The following SLCO5A1 variants were observed in gnomAD, a reference collection of about 807,000 sequenced individuals.
The protein encoded by SLCO5A1 is organic anion transporter polypeptide-related protein 4.
Under a neutral mutation model 65.1 loss-of-function variants are expected in SLCO5A1, and 39 were observed. The ratio of observed to expected loss-of-function variants is 0.60; its 90% CI spans 0.46 to 0.78. The LOEUF is 0.78. SLCO5A1 is among the 30% of genes least tolerant of loss of function. The pLI is 0.00. For synonymous variants in SLCO5A1, 438 were observed against 415.7 expected (o/e 1.05, Z -0.65); for missense variants, 1,029 against 1,069.4 (o/e 0.96, Z 0.53).
chr8:69,752,554 G>T (rs1180069340), intron 4 of SLCO5A1, among the ~76,000 whole-genome samples: 2 of 151,828 alleles, frequency 1.3e-5, no homozygotes, highest in Non-Finnish European at 2.9e-5. Flanking sequence ...ATACACTAAA[G>T]GAAATCAATG....
Position 69,747,976 on chromosome 8 carries a change from A to T in SLCO5A1, c.1258+7448T>A, listed in dbSNP as rs146041080. On this transcript the variant is annotated intron_variant, in intron 4 of 9. Coordinates refer to ENST00000260126, the MANE Select transcript of SLCO5A1 (RefSeq NM_030958.3). ...CTGCTTATCATATGCAACATGGCCA[A>T]CACAGGACCTATGTGCCCTCATTTC... Among the ~76,000 whole-genome samples the T allele has an allele frequency of 8.6e-3, 1,316 of 152,336 alleles. 19 individuals are homozygous for T. The highest frequency in any genetic ancestry group is 0.03 in the African/African-American group (1,236 of 41,558).
chr8:69,831,698 T>G, intron 2 of SLCO5A1, 69 bp downstream of exon 2: 1 of 1,460,568 alleles, frequency 6.8e-7, no homozygotes, highest in Non-Finnish European at 9.3e-7. Context: ...CATGTTTCCT[T>G]TTGATTTTTG....
At chr8:69,710,911 G>C (rs944835308) in intron 5 of SLCO5A1, among the ~76,000 whole-genome samples, 1 of 152,070 alleles carries the variant, frequency 6.6e-6, no homozygotes, top group Non-Finnish European at 1.5e-5. Context: ...ACATTGCTTG[G>C]ATCTCCGATC....
chr8:69,758,787 C>T (rs1681008295), intron 3 of SLCO5A1, among the ~76,000 whole-genome samples: 1 of 152,024 alleles, frequency 6.6e-6, no homozygotes, highest in South Asian at 2.1e-4. Context: ...GTGTGCAGTA[C>T]CTGTTGGAAA....
At chr8:69,810,404 G>A (rs980653649) in intron 2 of SLCO5A1, among the ~76,000 whole-genome samples, 2 of 152,168 alleles carry the variant, frequency 1.3e-5, no homozygotes, top group Non-Finnish European at 2.9e-5. Context: ...ATCATAGCCT[G>A]AGGCCTAAAA....
chr8:69,767,413 T>C (rs772934720), intron 2 of SLCO5A1, among the ~76,000 whole-genome samples: 5 of 152,216 alleles, frequency 3.3e-5, no homozygotes, highest in African/African-American at 4.8e-5. Flanking sequence ...AATCATGTGT[T>C]CAAATCTCAG....
chr8:69,789,663 T>C (rs1819185477), intron 2 of SLCO5A1, among the ~76,000 whole-genome samples: 1 of 152,154 alleles, frequency 6.6e-6, no homozygotes, highest in South Asian at 2.1e-4. Context: ...CAGGGTTTTT[T>C]GTTAAATAAG....
chr8:69,748,888 T>C (rs981973088), intron 4 of SLCO5A1, among the ~76,000 whole-genome samples: 8 of 152,124 alleles, frequency 5.3e-5, no homozygotes, highest in Non-Finnish European at 1.5e-5. Flanking sequence ...GGTGATGCTG[T>C]TGTAGGCTGG....
At chr8:69,676,056 A>G (rs1255909626) in intron 9 of SLCO5A1, among the ~76,000 whole-genome samples, 3 of 152,238 alleles carry the variant, frequency 2.0e-5, no homozygotes, top group Non-Finnish European at 4.4e-5. Flanking sequence ...ACATGGACAC[A>G]GCACTACTGA....
At chr8:69,791,436 G>A (rs1219797848) in intron 2 of SLCO5A1, among the ~76,000 whole-genome samples, 2 of 149,938 alleles carry the variant, frequency 1.3e-5, no homozygotes, top group East Asian at 1.9e-4. Context: ...ATTTGAGGGA[G>A]GGACACTATA....
chr8:69,784,930 GA>G (rs1217195932), intron 2 of SLCO5A1, among the ~76,000 whole-genome samples: 2 of 113,772 alleles, frequency 1.8e-5, no homozygotes, highest in Non-Finnish European at 1.9e-5. Context: ...AAGAAAGAAA[GA>G]AAGAAAGAAA....
intron 2 of SLCO5A1, among the ~76,000 whole-genome samples, chr8:69,799,004 G>A (rs1007201476): frequency 7.2e-5 from 11 of 152,160 alleles, no homozygotes; most frequent in Admixed American, 2.0e-4. Flanking sequence ...TCATTAGATT[G>A]AGAGTCTACA....
rs902735771 is a variant in SLCO5A1 at position 69,833,166 on chromosome 8, C to G, written c.-493G>C. On this transcript the variant is annotated 5_prime_UTR_variant, in exon 2 of 10. Coordinates refer to ENST00000260126, the MANE Select transcript of SLCO5A1 (RefSeq NM_030958.3). ...GCGGCACCCTCGGGAGTGAAGCTGC[C>G]GACCTGCAAAGCAGAAAGAGGGCGG... The G allele has an allele frequency of 6.3e-6, 1 of 159,192 alleles. No individual in the cohort carries two copies. Among genetic ancestry groups the G allele is most frequent in the Non-Finnish European group, 1.4e-5 (1 of 73,062 alleles). 9.9% of individuals were successfully genotyped at this position (159,192 alleles called of 1,614,324 possible).
chr8:69,679,521 C>T lies in SLCO5A1; in HGVS notation c.1881G>A (p.Lys627=), dbSNP rs1287644214. The stretch of plus-strand genomic sequence containing the variant: ...CATAGCCGTTCTCATTGAGATAAGT[C>T]TTGACAATAACCACACGGAGCTGAC... ...QRSQLRVVIV[K]TYLNENGYAV... Residue 627 remains lysine (K), a synonymous_variant, in exon 8 of 10, where the codon AAG becomes AAA. Transcript: ENST00000260126. 1.2e-6 allele frequency: 2 copies of T among 1,614,182 alleles called. No individual in the cohort carries two copies. The highest frequency in any genetic ancestry group is 3.3e-5 in the Admixed American group (2 of 60,024).
chr8:69,675,785 T>C (rs1050088077), intron 9 of SLCO5A1, among the ~76,000 whole-genome samples: 4 of 152,204 alleles, frequency 2.6e-5, no homozygotes, highest in African/African-American at 9.7e-5. Context: ...AATTTTTTTG[T>C]CTTGTAGACA....
At chr8:69,680,849 A>G (rs1813738040) in intron 7 of SLCO5A1, among the ~76,000 whole-genome samples, 1 of 152,166 alleles carries the variant, frequency 6.6e-6, no homozygotes, top group South Asian at 2.1e-4. Context: ...TACAGCCCCC[A>G]CCCAGTACTG....
intron 5 of SLCO5A1, among the ~76,000 whole-genome samples, chr8:69,715,540 T>C (rs750149734): frequency 1.8e-4 from 28 of 152,180 alleles, no homozygotes; most frequent in East Asian, 3.9e-4. Flanking sequence ...CGCCCACTAA[T>C]AGCAGAACTG....
rs1817785251 is a variant in SLCO5A1, at chr8:69,761,763, G to T, written c.1020C>A (p.Asp340Glu). 6.2e-7 allele frequency: 1 copy of T among 1,613,658 alleles called. No individual in the cohort carries two copies. Among genetic ancestry groups the T allele is most frequent in the Non-Finnish European group, 8.5e-7 (1 of 1,179,888 alleles). Residue 340 changes from aspartate to glutamate, a missense_variant, in exon 3 of 10, where the codon GAC becomes GAA. Coordinates refer to ENST00000260126, the MANE Select transcript of SLCO5A1 (RefSeq NM_030958.3). ...CTTACCAGTTTCCAATGAAACGAGG[G>T]TCATTCTGGTCAAGGTGAACAGGAT... Reference protein sequence around the residue: ...PRNPVHLDQNDPRFIGNWWSG... With the variant: ...PRNPVHLDQNEPRFIGNWWSG...
rs4737288 is a variant in SLCO5A1 at position 69,679,077 on chromosome 8, T to G, written c.2024+301A>C. Among the ~76,000 whole-genome samples the G allele has an allele frequency of 0.21, 31,407 of 152,172 alleles. 4,427 individuals are homozygous for G. Among genetic ancestry groups the G allele is most frequent in the East Asian group, 0.47 (2,422 of 5,178 alleles). On this transcript the variant is annotated intron_variant, in intron 8 of 9. Coordinates refer to ENST00000260126, the MANE Select transcript of SLCO5A1 (RefSeq NM_030958.3). ...GAGTGATGACTTTCAACTCCTGAAG[T>G]TGAACCTCGTAGGGCAGAGACTTCA...
Sources: gnomAD v4.1 joint callset for allele counts (sites outside exome capture counted in the v4.1 genomes callset) on GRCh38, gnomAD v4.1.1 for gene constraint, MANE v1.5 for transcripts, NCBI Gene and HGNC (gene_info 2026-07-23, HGNC 2026-07-21) for gene names.